ALK: variants seen among roughly 807,000 people sequenced by gnomAD.
The protein encoded by ALK is ALK receptor tyrosine kinase.
In ALK, 74 loss-of-function variants were observed where a neutral mutation model predicts 163.1. The observed-to-expected ratio is 0.45, with a 90% confidence interval of 0.38 to 0.55. ALK has a LOEUF of 0.55. Among genes scored for constraint, ALK ranks in the 20% least tolerant of loss-of-function variants. ALK has a pLI of 0.00. For synonymous variants in ALK, 960 were observed against 843.2 expected (o/e 1.14, Z -2.40); for missense variants, 2,063 against 2,105.3 (o/e 0.98, Z 0.39).
chr2:29,382,688 G>A (rs191644980), intron 5 of ALK, among the ~76,000 whole-genome samples: 14 of 152,220 alleles, frequency 9.2e-5, no homozygotes, highest in African/African-American at 2.6e-4. Context: ...TCATGAGTGC[G>A]GAAACATTTG....
rs530786959 is a variant in ALK at position 29,383,994 on chromosome 2, C to T, written c.1155-135G>A. ...TTCATGGGCACCAAGAGATGGGACT[C>T]GAAGTGGCACTGAGGACAGTGATTC... On this transcript the variant is annotated intron_variant, in intron 4 of 28. Coordinates refer to ENST00000389048, the MANE Select transcript of ALK (RefSeq NM_004304.5). The T allele has an allele frequency of 5.2e-5, 55 of 1,057,274 alleles. No individual in the cohort carries two copies. In the East Asian group the frequency reaches 1.1e-3, roughly 20 times the overall value. 65.5% of individuals were successfully genotyped at this position (1,057,274 alleles called of 1,614,324 possible). A position where few individuals can be genotyped will look rare whatever the true frequency, so the allele number is the denominator to read the frequency against.
chr2:29,355,612 G>A (rs1286540269), intron 5 of ALK, among the ~76,000 whole-genome samples: 6 of 152,188 alleles, frequency 3.9e-5, no homozygotes, highest in Non-Finnish European at 7.3e-5. Flanking sequence ...CTGAATGGCT[G>A]CACTGGAAGG....
chr2:29,240,214 T>C (rs145840907), intron 12 of ALK, among the ~76,000 whole-genome samples: 1 of 148,742 alleles, frequency 6.7e-6, no homozygotes, highest in Non-Finnish European at 1.5e-5. Context: ...ATTGGGGTGA[T>C]GGCTTTCTGA....
chr2:29,839,838 C>T (rs528853919), intron 1 of ALK, among the ~76,000 whole-genome samples: 1 of 152,192 alleles, frequency 6.6e-6, no homozygotes, highest in African/African-American at 2.4e-5. Context: ...TTGTGTCGCT[C>T]TGTAATAATG....
chr2:29,467,672 G>A (rs943764555), intron 4 of ALK, among the ~76,000 whole-genome samples: 1 of 152,076 alleles, frequency 6.6e-6, no homozygotes, highest in Non-Finnish European at 1.5e-5. Context: ...TCTTTTCAGG[G>A]ACCCTCAAGA....
At chr2:29,650,978 G>A (rs1267082965) in intron 3 of ALK, among the ~76,000 whole-genome samples, 2 of 152,174 alleles carry the variant, frequency 1.3e-5, no homozygotes, top group African/African-American at 4.8e-5. Context: ...GGAGAATGCA[G>A]AGTCTGCTAG....
chr2:29,247,544 C>T (rs996950221), intron 12 of ALK, among the ~76,000 whole-genome samples: 14 of 152,238 alleles, frequency 9.2e-5, no homozygotes, highest in African/African-American at 3.1e-4. Context: ...TGCCCCGCAC[C>T]CCCTTCCTCT....
intron 3 of ALK, among the ~76,000 whole-genome samples, chr2:29,670,421 T>C (rs906622102): frequency 6.6e-6 from 1 of 152,052 alleles, no homozygotes; most frequent in African/African-American, 2.4e-5. Flanking sequence ...TTATTTCAGT[T>C]TTTTTTCTTG....
chr2:29,562,817 C>G (rs1270865410), intron 3 of ALK, among the ~76,000 whole-genome samples: 2 of 152,144 alleles, frequency 1.3e-5, no homozygotes, highest in Non-Finnish European at 2.9e-5. Context: ...GCTCCAGTGA[C>G]CAAAGTTTGG....
At position 29,733,030 on chromosome 2, in the gene ALK, A is replaced by G. The variant is rs114493330; in HGVS notation, c.668-15333T>C. On this transcript the variant is annotated intron_variant, in intron 1 of 28. Coordinates refer to ENST00000389048, the MANE Select transcript of ALK (RefSeq NM_004304.5). ...GACCAACAGAGAGAAGCACTAGAAC[A>G]TGAAGCAGCCTTCCAGGGGGTTGGA... 6.2e-3 allele frequency among the ~76,000 whole-genome samples: 947 copies of G among 152,286 alleles called. 7 individuals are homozygous for G. Among genetic ancestry groups the G allele is most frequent in the Non-Finnish European group, 9.6e-3 (656 of 68,022 alleles).
chr2:29,448,802 G>A (rs993922190), intron 4 of ALK, among the ~76,000 whole-genome samples: 1 of 152,146 alleles, frequency 6.6e-6, no homozygotes, highest in African/African-American at 2.4e-5. Context: ...CCTTAAAAGT[G>A]TCCAGACCGG....
chr2:29,636,423 CA>C (rs1224148561), intron 3 of ALK, among the ~76,000 whole-genome samples: 2 of 151,812 alleles, frequency 1.3e-5, no homozygotes, highest in Non-Finnish European at 2.9e-5. Context: ...GACCTTAGGT[CA>C]GAATTTTTAG....
chr2:29,843,861 G>A (rs1183735511), intron 1 of ALK, among the ~76,000 whole-genome samples: 1 of 152,140 alleles, frequency 6.6e-6, no homozygotes, highest in Non-Finnish European at 1.5e-5. Flanking sequence ...AGCACTTACT[G>A]TATGCTGAGC....
chr2:29,415,307 G>A (rs976488479), intron 4 of ALK, among the ~76,000 whole-genome samples: 2 of 151,864 alleles, frequency 1.3e-5, no homozygotes, highest in African/African-American at 4.8e-5. Context: ...TTCAATAGAG[G>A]AAGACACTGA....
At chr2:29,643,170 G>T (rs1419358104) in intron 3 of ALK, among the ~76,000 whole-genome samples, 1 of 152,076 alleles carries the variant, frequency 6.6e-6, no homozygotes, top group Non-Finnish European at 1.5e-5. Context: ...TGGTTTCTTG[G>T]GGGTCATGGT....
intron 1 of ALK, among the ~76,000 whole-genome samples, chr2:29,828,624 C>T (rs1278584032): frequency 1.3e-5 from 2 of 152,234 alleles, no homozygotes; most frequent in African/African-American, 4.8e-5. Context: ...TACCATCTCA[C>T]ACCTGTTAGA....
At chr2:29,663,449 TTC>T (rs1677412867) in intron 3 of ALK, among the ~76,000 whole-genome samples, 1 of 152,114 alleles carries the variant, frequency 6.6e-6, no homozygotes, top group South Asian at 2.1e-4. Flanking sequence ...ATCGTCCTCC[TTC>T]TCTCTCTCCC....
intron 4 of ALK, among the ~76,000 whole-genome samples, chr2:29,425,526 G>A (rs1156992444): frequency 6.6e-6 from 1 of 152,194 alleles, no homozygotes; most frequent in Non-Finnish European, 1.5e-5. Flanking sequence ...TGGGGCTCCA[G>A]TTGCCCTCAC....
intron 5 of ALK, among the ~76,000 whole-genome samples, chr2:29,355,203 G>A (rs1482089511): frequency 1.3e-5 from 2 of 152,140 alleles, no homozygotes; most frequent in African/African-American, 4.8e-5. Flanking sequence ...CATTTGTGTG[G>A]TGCATTCACA....
Sources: allele counts gnomAD v4.1 joint callset (sites outside exome capture counted in the v4.1 genomes callset), GRCh38; gene constraint gnomAD v4.1.1; transcripts MANE v1.5; gene names NCBI Gene and HGNC (gene_info 2026-07-23, HGNC 2026-07-21).